TBCK: variants seen among roughly 807,000 people sequenced by gnomAD.
TBCK encodes TBC1 domain containing kinase, also known as TBC domain-containing protein kinase-like protein.
In TBCK, 99 loss-of-function variants were observed where a neutral mutation model predicts 113.4. The observed-to-expected ratio is 0.87, with a 90% CI of 0.74 to 1.03. TBCK has a LOEUF of 1.03. Among genes scored for constraint, TBCK ranks in the 50% least tolerant of loss-of-function variants. TBCK has a pLI of 0.00. For synonymous variants in TBCK, 369 were observed against 370.8 expected (o/e 1.00, Z 0.05); for missense variants, 1,045 against 1,061.3 (o/e 0.98, Z 0.21).
At chr4:106,151,827 T>C (rs1391938349) in intron 23 of TBCK, among the ~76,000 whole-genome samples, 1 of 152,038 alleles carries the variant, frequency 6.6e-6, no homozygotes, top group Non-Finnish European at 1.5e-5. Flanking sequence ...TTCCTAAGTA[T>C]TTTGTTTTAT....
In TBCK at chr4:106,232,962, GAGACACT is replaced by G. The variant is rs778858325; in HGVS notation, c.1608_1614del (p.Val537IlefsTer20). 1 of 1,612,134 alleles carries G rather than the reference GAGACACT, an allele frequency of 6.2e-7. No homozygotes were observed. Among genetic ancestry groups the G allele is most frequent in the Admixed American group, 1.7e-5 (1 of 59,878 alleles). On this transcript the variant is annotated frameshift_variant, in exon 17 of 26. Transcript: ENST00000394708. LOFTEE classifies it high-confidence loss of function. ...CCTTGCCAATACACAAGATCAGGAT[GAGACACT>G]ACCCAGGCTTTTAATACACGCCTAA...
chr4:106,279,144 T>C (rs1764324470), intron 3 of TBCK, among the ~76,000 whole-genome samples: 1 of 152,172 alleles, frequency 6.6e-6, no homozygotes, highest in East Asian at 1.9e-4. Flanking sequence ...AATGTTCCTT[T>C]GAAGTCAGGG....
intron 3 of TBCK, among the ~76,000 whole-genome samples, chr4:106,293,060 C>G (rs1288536412): frequency 6.6e-6 from 1 of 152,144 alleles, no homozygotes; most frequent in African/African-American, 2.4e-5. Context: ...GCATTACTTC[C>G]CAACCACAAA....
At chr4:106,072,031 G>T (rs562822296) in intron 25 of TBCK, among the ~76,000 whole-genome samples, 7 of 151,950 alleles carry the variant, frequency 4.6e-5, no homozygotes, top group African/African-American at 1.2e-4. Context: ...AGCAGTGATG[G>T]GTATTGACTC....
intron 23 of TBCK, 30 bp from the exon 24 acceptor site, chr4:106,116,408 T>C (rs1743513857): frequency 1.3e-6 from 2 of 1,567,156 alleles, no homozygotes; most frequent in East Asian, 2.3e-5. Context: ...AAAAAAAATA[T>C]TGAGAATATT....
chr4:106,133,565 G>A (rs1746209354), intron 23 of TBCK, among the ~76,000 whole-genome samples: 1 of 152,184 alleles, frequency 6.6e-6, no homozygotes. Context: ...ACATACACAA[G>A]TCAATAAAAA....
intron 23 of TBCK, among the ~76,000 whole-genome samples, chr4:106,120,056 G>A (rs926960410): frequency 2.0e-5 from 3 of 152,142 alleles, no homozygotes; most frequent in African/African-American, 4.8e-5. Flanking sequence ...CTGAGGTACC[G>A]GGTTCATCTC....
At chr4:106,313,982 G>A (rs965816218) in intron 1 of TBCK, among the ~76,000 whole-genome samples, 1 of 152,156 alleles carries the variant, frequency 6.6e-6, no homozygotes, top group African/African-American at 2.4e-5. Flanking sequence ...ATGGCACAGG[G>A]ATCATGAAGT....
intron 6 of TBCK, 118 bp from the exon 7 acceptor site, chr4:106,250,596 G>T (rs1171694858): frequency 1.8e-6 from 1 of 561,056 alleles, no homozygotes; most frequent in South Asian, 2.5e-5. Context: ...ATCTCCAAAA[G>T]TTTTAATGGA....
rs750823464 is a variant in TBCK, at chr4:106,212,832, T to A, written c.1778A>T (p.Tyr593Phe). 19 of 1,607,612 alleles carry A rather than the reference T, an allele frequency of 1.2e-5. No individual in the cohort carries two copies. Among genetic ancestry groups the A allele is most frequent in the South Asian group, 1.1e-4 (10 of 90,408 alleles). The change falls in exon 20 of 26, where the codon TAT becomes TTT. Residue 593 changes from tyrosine to phenylalanine, a missense_variant. Coordinates refer to ENST00000394708, the MANE Select transcript of TBCK (RefSeq NM_001163435.3). ...LKDNSHVIQE[Y>F]LTVFSQMIAF... ...AATCATCTGAGAGAAGACAGTCAGATACTCTGAAATTACAAAGTTTGAGAC... is the reference window on the plus strand; with the variant it reads ...AATCATCTGAGAGAAGACAGTCAGAAACTCTGAAATTACAAAGTTTGAGAC...
chr4:106,175,386 TG>T (rs1357286384), intron 22 of TBCK, among the ~76,000 whole-genome samples: 1 of 149,584 alleles, frequency 6.7e-6, no homozygotes, highest in East Asian at 2.0e-4. Flanking sequence ...TTATGTGGGC[TG>T]GGGTTAGTGA....
At chr4:106,111,787 C>T (rs1483407976) in intron 24 of TBCK, among the ~76,000 whole-genome samples, 1 of 152,046 alleles carries the variant, frequency 6.6e-6, no homozygotes, top group Non-Finnish European at 1.5e-5. Flanking sequence ...GTCAGTAAGA[C>T]CTCAAAAGGT....
chr4:106,146,421 C>G (rs1205250373), intron 23 of TBCK, among the ~76,000 whole-genome samples: 1 of 151,914 alleles, frequency 6.6e-6, no homozygotes, highest in Non-Finnish European at 1.5e-5. Context: ...AAGAAGGAAA[C>G]AGACACTGGG....
intron 25 of TBCK, among the ~76,000 whole-genome samples, chr4:106,073,189 T>G (rs759927342): frequency 5.3e-5 from 8 of 152,230 alleles, no homozygotes; most frequent in Non-Finnish European, 8.8e-5. Flanking sequence ...CTCTGGTTTT[T>G]AGAATTTTCA....
chr4:106,248,561 A>C (rs1579389679), intron 8 of TBCK, among the ~76,000 whole-genome samples: 1 of 152,314 alleles, frequency 6.6e-6, no homozygotes, highest in Non-Finnish European at 1.5e-5. Flanking sequence ...TGTTCCCTCC[A>C]AAGTTTAGGC....
chr4:106,044,152 C>T lies in TBCK; in HGVS notation c.*2418G>A, dbSNP rs1265150374. ...TAGCTCTCTTCACAAGGTCTTCATCCTCTCCTACTACCTACCACCTTATTC... is the reference window on the plus strand; with the variant it reads ...TAGCTCTCTTCACAAGGTCTTCATCTTCTCCTACTACCTACCACCTTATTC... On this transcript the variant is annotated 3_prime_UTR_variant, in exon 26 of 26. Coordinates refer to ENST00000394708, the MANE Select transcript of TBCK (RefSeq NM_001163435.3). The T allele has an allele frequency of 6.6e-6, 1 of 152,136 alleles. No homozygotes were observed. Among genetic ancestry groups the T allele is most frequent in the Non-Finnish European group, 1.5e-5 (1 of 68,024 alleles). 9.4% of individuals were successfully genotyped at this position (152,136 alleles called of 1,614,324 possible). A position where few individuals can be genotyped will look rare whatever the true frequency, so the allele number is the denominator to read the frequency against.
At chr4:106,070,945 T>C (rs1346963833) in intron 25 of TBCK, among the ~76,000 whole-genome samples, 1 of 152,190 alleles carries the variant, frequency 6.6e-6, no homozygotes. Flanking sequence ...GTGTTTATAG[T>C]ATTTTCTGAT....
At chr4:106,169,363 G>A (rs1277389622) in intron 23 of TBCK, among the ~76,000 whole-genome samples, 1 of 151,982 alleles carries the variant, frequency 6.6e-6, no homozygotes, top group Non-Finnish European at 1.5e-5. Flanking sequence ...CAATGAAAAA[G>A]AATAGAGAGT....
chr4:106,138,386 A>G (rs920345103), intron 23 of TBCK, among the ~76,000 whole-genome samples: 1 of 141,528 alleles, frequency 7.1e-6, no homozygotes, highest in Admixed American at 7.0e-5. Context: ...TTCTGAGACA[A>G]AAGTTAAAAA....
Sources: allele counts gnomAD v4.1 joint callset (sites outside exome capture counted in the v4.1 genomes callset), GRCh38; gene constraint gnomAD v4.1.1; transcripts MANE v1.5; gene names NCBI Gene and HGNC (gene_info 2026-07-23, HGNC 2026-07-21).